Variants in RANBP17 observed in about 807,000 individuals in gnomAD.
RANBP17 encodes ran-binding protein 17.
RANBP17 carries 158 observed loss-of-function variants against 141.2 expected under a neutral mutation model. That is an observed-to-expected ratio of 1.12 (90% CI 0.98 to 1.28). The LOEUF (loss-of-function observed/expected upper bound fraction) is 1.28. RANBP17 is among the 50% of genes most tolerant of loss of function. RANBP17 has a pLI of 0.00. For synonymous variants in RANBP17, 430 were observed against 450.0 expected, an observed-to-expected ratio of 0.96 and a Z score of 0.56; for missense variants, 1,438 against 1,290.7, an observed-to-expected ratio of 1.11 and a Z score of -1.75.
chr5:170,960,750 T>C (rs989548369), intron 13 of RANBP17, among the ~76,000 whole-genome samples: 2 of 152,172 alleles, frequency 1.3e-5, no homozygotes, highest in Non-Finnish European at 2.9e-5. Context: ...TGCAATGACG[T>C]CATTGTTTTT....
intron 14 of RANBP17, among the ~76,000 whole-genome samples, chr5:171,087,594 A>T (rs1229423890): frequency 6.6e-6 from 1 of 151,616 alleles, no homozygotes; most frequent in African/African-American, 2.4e-5. Flanking sequence ...AATGTGTGGG[A>T]GTCTAAGTCT....
chr5:170,869,874 T>C (rs910838659), intron 1 of RANBP17, among the ~76,000 whole-genome samples: 1 of 152,176 alleles, frequency 6.6e-6, no homozygotes, highest in African/African-American at 2.4e-5. Context: ...TATTATTAGG[T>C]AATGTTAAAA....
chr5:171,152,853 T>C (rs1561708796), intron 14 of RANBP17, among the ~76,000 whole-genome samples: 1 of 152,254 alleles, frequency 6.6e-6, no homozygotes, highest in Non-Finnish European at 1.5e-5. Context: ...AATAATCTTA[T>C]GACGAAGGTG....
At chr5:171,014,901 A>G (rs535167090) in intron 14 of RANBP17, among the ~76,000 whole-genome samples, 16 of 152,010 alleles carry the variant, frequency 1.1e-4, no homozygotes, top group East Asian at 1.9e-4. Flanking sequence ...ATTTTTGCCT[A>G]CTGTTTTGGA....
At chr5:171,050,416 G>T (rs190067252) in intron 14 of RANBP17, among the ~76,000 whole-genome samples, 4 of 152,236 alleles carry the variant, frequency 2.6e-5, no homozygotes, top group African/African-American at 9.6e-5. Context: ...AGATAATGTT[G>T]TAACTTTTGC....
chr5:171,259,129 C>T (rs1006361683), intron 24 of RANBP17, among the ~76,000 whole-genome samples: 1 of 152,104 alleles, frequency 6.6e-6, no homozygotes, highest in African/African-American at 2.4e-5. Context: ...TGTTCAACAT[C>T]ACTAATCATC....
At chr5:170,966,175 C>A (rs1776547507) in intron 13 of RANBP17, among the ~76,000 whole-genome samples, 2 of 151,934 alleles carry the variant, frequency 1.3e-5, no homozygotes, top group South Asian at 2.1e-4. Context: ...AAGAGGGAAT[C>A]CTCCCTAACT....
chr5:171,216,604 TCTC>T (rs1763237666), intron 21 of RANBP17, among the ~76,000 whole-genome samples: 1 of 152,228 alleles, frequency 6.6e-6, no homozygotes, highest in African/African-American at 2.4e-5. Context: ...GGTTTGTAGT[TCTC>T]CTTAAAGAGG....
chr5:170,971,159 G>C (rs777333546), intron 14 of RANBP17, among the ~76,000 whole-genome samples: 19 of 152,216 alleles, frequency 1.2e-4, no homozygotes, highest in Non-Finnish European at 2.2e-4. Flanking sequence ...ATAAAAGCCT[G>C]TATAGACAAC....
At chr5:171,220,958 A>G (rs1407860659) in intron 21 of RANBP17, among the ~76,000 whole-genome samples, 1 of 152,228 alleles carries the variant, frequency 6.6e-6, no homozygotes, top group African/African-American at 2.4e-5. Context: ...ATTTTTAAAA[A>G]GCATGGAAAA....
chr5:170,894,436 GA>G (rs1289867595), intron 4 of RANBP17, among the ~76,000 whole-genome samples: 2 of 146,576 alleles, frequency 1.4e-5, no homozygotes, highest in Non-Finnish European at 1.5e-5. Flanking sequence ...GTTTTAGCTT[GA>G]AAGTTTATTA....
chr5:171,088,358 G>A (rs183859727), intron 14 of RANBP17, among the ~76,000 whole-genome samples: 61 of 152,078 alleles, frequency 4.0e-4, no homozygotes, highest in African/African-American at 1.4e-3. Flanking sequence ...GCTTCCCTTT[G>A]TAAGTAACAT....
chr5:171,001,183 G>A (rs566730721), intron 14 of RANBP17, among the ~76,000 whole-genome samples: 1 of 152,242 alleles, frequency 6.6e-6, no homozygotes, highest in East Asian at 1.9e-4. Context: ...ATGAGAACCT[G>A]CAATGGGAGA....
intron 14 of RANBP17, among the ~76,000 whole-genome samples, chr5:171,019,923 T>G (rs1320386300): frequency 6.6e-6 from 1 of 152,202 alleles, no homozygotes; most frequent in African/African-American, 2.4e-5. Context: ...TGCTATAAAT[T>G]TCCCTCTCAA....
At chr5:171,106,142 A>T (rs1561660688) in intron 14 of RANBP17, among the ~76,000 whole-genome samples, 1 of 152,232 alleles carries the variant, frequency 6.6e-6, no homozygotes. Flanking sequence ...TACGTTTAAG[A>T]ATCCTGTACT....
chr5:171,048,208 G>C (rs1337758588), intron 14 of RANBP17, among the ~76,000 whole-genome samples: 1 of 152,038 alleles, frequency 6.6e-6, no homozygotes, highest in African/African-American at 2.4e-5. Context: ...GACCACAGGT[G>C]CACTACACAC....
chr5:170,871,661 T>C (rs912796935), intron 1 of RANBP17, among the ~76,000 whole-genome samples: 1 of 152,200 alleles, frequency 6.6e-6, no homozygotes, highest in Non-Finnish European at 1.5e-5. Context: ...TGGGTTTTGA[T>C]TAAGTCTTTA....
At chr5:170,945,657 C>T (rs946461005) in intron 12 of RANBP17, among the ~76,000 whole-genome samples, 1 of 152,004 alleles carries the variant, frequency 6.6e-6, no homozygotes, top group Non-Finnish European at 1.5e-5. Context: ...ATTACATGCA[C>T]GGTGAGGTCT....
intron 14 of RANBP17, among the ~76,000 whole-genome samples, chr5:171,131,727 G>A (rs1756933293): frequency 6.6e-6 from 1 of 152,150 alleles, no homozygotes; most frequent in Non-Finnish European, 1.5e-5. Context: ...AGCTGATCAT[G>A]GCATTAGCAT....
Sources: gnomAD v4.1 joint callset for allele counts (sites outside exome capture counted in the v4.1 genomes callset) on GRCh38, gnomAD v4.1.1 for gene constraint, MANE v1.5 for transcripts, NCBI Gene and HGNC (gene_info 2026-07-23, HGNC 2026-07-21) for gene names.